Variants in C2CD5 observed in about 807,000 individuals in gnomAD.
C2CD5 encodes C2 domain-containing protein 5.
Under a neutral mutation model 130.3 loss-of-function variants are expected in C2CD5, and 109 were observed. That is an observed-to-expected ratio of 0.84 (90% CI 0.72 to 0.98). The LOEUF (loss-of-function observed/expected upper bound fraction) is 0.98, where lower values mean the gene tolerates loss of function less well. Among genes scored for constraint, C2CD5 ranks in the 50% least tolerant of loss-of-function variants. C2CD5 has a pLI of 0.00. For missense variants in C2CD5, 996 were observed against 1,261.8 expected (o/e 0.79, Z 3.19); for synonymous variants, 454 against 429.2 (o/e 1.06, Z -0.71).
intron 8 of C2CD5, among the ~76,000 whole-genome samples, chr12:22,517,101 T>C (rs1314750584): frequency 6.6e-6 from 1 of 151,960 alleles, no homozygotes; most frequent in Non-Finnish European, 1.5e-5. Flanking sequence ...CTTCTTTTCC[T>C]TGTTTTCACA....
At chr12:22,475,616 G>T (rs1943728193) in intron 15 of C2CD5, among the ~76,000 whole-genome samples, 1 of 152,058 alleles carries the variant, frequency 6.6e-6, no homozygotes, top group Non-Finnish European at 1.5e-5. Context: ...TGATGCAACA[G>T]AATTGTCTTT....
chr12:22,459,485 A>T lies in C2CD5; in HGVS notation c.2584+7T>A. 1 of 1,523,274 alleles carries T rather than the reference A, an allele frequency of 6.6e-7. No homozygotes were observed. The allele number at this position is 1,523,274 out of a possible 1,614,324, so 94.4% of individuals were successfully genotyped here. A position where few individuals can be genotyped will look rare whatever the true frequency, so the allele number is the denominator to read the frequency against. ...TGGTGACTATTTGCTTAATTAGACA[A>T]ACTCACCTCTCTGTGCAGCTGGTAT... On this transcript the variant is annotated splice_region_variant and intron_variant, in intron 23 of 26. Coordinates refer to ENST00000446597, the MANE Select transcript of C2CD5 (RefSeq NM_001286176.2).
chr12:22,465,798 AAC>A (rs1941973290), intron 22 of C2CD5, among the ~76,000 whole-genome samples: 1 of 152,146 alleles, frequency 6.6e-6, no homozygotes, highest in South Asian at 2.1e-4. Flanking sequence ...TTTTTCTCAT[AAC>A]ACACTCTTGA....
At chr12:22,490,350 TTAC>T in intron 11 of C2CD5, 132 bp from the exon 12 acceptor site, 1 of 521,258 alleles carries the variant, frequency 1.9e-6, no homozygotes, top group Non-Finnish European at 3.3e-6. Flanking sequence ...TAAATAATAT[TTAC>T]GAGGTTTACC....
At position 22,493,189 on chromosome 12, in the gene C2CD5, G is replaced by C. The variant is rs778175654; in HGVS notation, c.1262+34C>G. 7.4e-6 allele frequency: 9 copies of C among 1,211,708 alleles called. No individual in the cohort carries two copies. The South Asian group carries it at 9.4e-5, about 13-fold the overall frequency. 75.1% of individuals were successfully genotyped at this position (1,211,708 alleles called of 1,614,324 possible). On this transcript the variant is annotated intron_variant, in intron 11 of 26. Transcript: ENST00000446597. ...CCCTTTCAGATGGCAGTCTAAATTA[G>C]TGTCTGGAAAATCAAGTTGTTATTA...
chr12:22,466,955 T>C (rs1942186862), intron 22 of C2CD5, among the ~76,000 whole-genome samples: 1 of 152,160 alleles, frequency 6.6e-6, no homozygotes. Flanking sequence ...TGAAATCACA[T>C]ACAGAAGATG....
chr12:22,486,563 C>A (rs1290254639), intron 12 of C2CD5, among the ~76,000 whole-genome samples: 2 of 152,078 alleles, frequency 1.3e-5, no homozygotes, highest in African/African-American at 2.4e-5. Context: ...ACAGGTATAA[C>A]CTGTGCATTT....
At chr12:22,475,204 G>A (rs16915527) in intron 15 of C2CD5, among the ~76,000 whole-genome samples, 3,194 of 152,208 alleles carry the variant, frequency 0.021, 106 homozygotes, top group African/African-American at 0.073. Flanking sequence ...CAGTACTGCT[G>A]TGTGTGCATA....
intron 9 of C2CD5, among the ~76,000 whole-genome samples, chr12:22,510,929 G>A (rs1025462842): frequency 6.6e-6 from 1 of 152,074 alleles, no homozygotes; most frequent in Admixed American, 6.5e-5. Context: ...CCAGGAGTTC[G>A]AAACCAGCCT....
intron 6 of C2CD5, 51 bp from the exon 7 acceptor site, chr12:22,523,675 C>A (rs1379348535): frequency 2.3e-6 from 3 of 1,310,320 alleles, no homozygotes; most frequent in Non-Finnish European, 2.2e-6. Context: ...ACATTACATA[C>A]TATAAGACTG....
At chr12:22,480,511 G>A (rs777282698) in intron 14 of C2CD5, among the ~76,000 whole-genome samples, 2 of 152,212 alleles carry the variant, frequency 1.3e-5, no homozygotes, top group Non-Finnish European at 2.9e-5. Flanking sequence ...GAAAAGATTA[G>A]TATGAATCAG....
chr12:22,519,438 G>T (rs1052815140), intron 7 of C2CD5, among the ~76,000 whole-genome samples: 1 of 151,848 alleles, frequency 6.6e-6, no homozygotes, highest in South Asian at 2.1e-4. Context: ...TAAAGTATCC[G>T]ATTAATAAAT....
chr12:22,505,637 C>T, intron 10 of C2CD5, among the ~76,000 whole-genome samples: 1 of 152,110 alleles, frequency 6.6e-6, no homozygotes. Context: ...GATGCAAGAA[C>T]ACATTCCATA....
At position 22,460,072 on chromosome 12, in the gene C2CD5, G is replaced by A. The variant is rs1940798964; in HGVS notation, c.2534-530C>T. Among the ~76,000 whole-genome samples, 2 of 152,114 alleles carry A rather than the reference G, an allele frequency of 1.3e-5. 1 individual carries two copies. Among genetic ancestry groups the A allele is most frequent in the Admixed American group, 1.3e-4 (2 of 15,268 alleles). ...ACTTCGATATCAACAGCTCCCTCTGGTGGTATCAAGACTTTGTGAAACTAA... is the reference window on the plus strand; with the variant it reads ...ACTTCGATATCAACAGCTCCCTCTGATGGTATCAAGACTTTGTGAAACTAA... On this transcript the variant is annotated intron_variant, in intron 22 of 26. Transcript: ENST00000446597.
At chr12:22,535,848 T>A (rs1021778702) in intron 2 of C2CD5, among the ~76,000 whole-genome samples, 3 of 152,180 alleles carry the variant, frequency 2.0e-5, no homozygotes, top group Non-Finnish European at 2.9e-5. Flanking sequence ...TGTAGAACAA[T>A]CTCTACAGAG....
At chr12:22,483,072 G>A (rs573673564) in intron 13 of C2CD5, among the ~76,000 whole-genome samples, 3 of 152,182 alleles carry the variant, frequency 2.0e-5, no homozygotes, top group Non-Finnish European at 4.4e-5. Context: ...GGATAAATGC[G>A]TGAGGGGATG....
chr12:22,453,556 C>A (rs1047676117), intron 26 of C2CD5, among the ~76,000 whole-genome samples: 1 of 152,122 alleles, frequency 6.6e-6, no homozygotes, highest in East Asian at 1.9e-4. Context: ...TGAAACTGGA[C>A]AGCATCATAG....
intron 3 of C2CD5, among the ~76,000 whole-genome samples, chr12:22,528,598 T>C (rs1938191991): frequency 6.6e-6 from 1 of 152,194 alleles, no homozygotes; most frequent in Non-Finnish European, 1.5e-5. Flanking sequence ...GGGAACATAT[T>C]ATAGACACTA....
chr12:22,457,643 A>G (rs776826883), intron 24 of C2CD5, among the ~76,000 whole-genome samples: 2 of 152,102 alleles, frequency 1.3e-5, no homozygotes, highest in African/African-American at 2.4e-5. Flanking sequence ...TTGAAAACCA[A>G]CTCATAATTT....
Sources: gnomAD v4.1 joint callset for allele counts (sites outside exome capture counted in the v4.1 genomes callset) on GRCh38, gnomAD v4.1.1 for gene constraint, MANE v1.5 for transcripts, NCBI Gene and HGNC (gene_info 2026-07-23, HGNC 2026-07-21) for gene names.